Variants in PCDH9 observed in about 807,000 individuals in gnomAD.
PCDH9 encodes the protein protocadherin-9.
PCDH9 carries 24 observed loss-of-function variants against 70.6 expected under a neutral mutation model. The ratio of observed to expected loss-of-function variants is 0.34; its 90% CI spans 0.25 to 0.48. The LOEUF (loss-of-function observed/expected upper bound fraction) is 0.48. Among genes scored for constraint, PCDH9 ranks in the 20% least tolerant of loss-of-function variants. The probability of loss-of-function intolerance (pLI) is 0.99; values close to 1 mark genes in which losing one functional copy is unlikely to be tolerated. For synonymous variants in PCDH9, 562 were observed against 558.5 expected, an observed-to-expected ratio of 1.01 and a Z score of -0.09; for missense variants, 1,281 against 1,503.6, an observed-to-expected ratio of 0.85 and a Z score of 2.45.
intron 2 of PCDH9, chr13:67,205,733 T>C (rs1279478876): frequency 6.6e-6 from 1 of 152,210 alleles, no homozygotes; most frequent in Non-Finnish European, 1.5e-5. Context: ...TGTGCATCCA[T>C]AACTCTCTAT....
chr13:66,508,259 G>C (rs1328686313), intron 4 of PCDH9, among the ~76,000 whole-genome samples: 1 of 152,170 alleles, frequency 6.6e-6, no homozygotes, highest in Non-Finnish European at 1.5e-5. Context: ...ATTAGGGGAG[G>C]AGGGAATGGG....
chr13:66,931,818 TG>T (rs2082814560), intron 2 of PCDH9, among the ~76,000 whole-genome samples: 1 of 152,040 alleles, frequency 6.6e-6, no homozygotes, highest in South Asian at 2.1e-4. Context: ...TTTCCAGAAA[TG>T]ACAATATGGT....
At chr13:66,816,280 C>T (rs1236136755) in intron 3 of PCDH9, among the ~76,000 whole-genome samples, 1 of 152,176 alleles carries the variant, frequency 6.6e-6, no homozygotes, top group Admixed American at 6.5e-5. Context: ...TTCCAGGACA[C>T]TGTGATCTGG....
At chr13:66,833,974 A>G (rs1010285463) in intron 3 of PCDH9, among the ~76,000 whole-genome samples, 1 of 152,192 alleles carries the variant, frequency 6.6e-6, no homozygotes, top group Non-Finnish European at 1.5e-5. Context: ...AACTGCTACC[A>G]AAATATCTGT....
intron 4 of PCDH9, among the ~76,000 whole-genome samples, chr13:66,339,559 T>C (rs1374389791): frequency 6.6e-6 from 1 of 152,180 alleles, no homozygotes; most frequent in East Asian, 1.9e-4. Flanking sequence ...ATTAAGATAG[T>C]ATTTCTAGAA....
At chr13:66,573,390 C>T (rs528277306) in intron 4 of PCDH9, among the ~76,000 whole-genome samples, 41 of 151,394 alleles carry the variant, frequency 2.7e-4, no homozygotes, top group African/African-American at 9.2e-4. Flanking sequence ...TTTCTTCACT[C>T]GGTTGATTGT....
At chr13:67,162,985 T>C (rs1052575857) in intron 2 of PCDH9, among the ~76,000 whole-genome samples, 1 of 152,216 alleles carries the variant, frequency 6.6e-6, no homozygotes, top group Non-Finnish European at 1.5e-5. Context: ...GATCCAGTTC[T>C]TCCACATTTA....
chr13:66,530,899 A>T (rs1039997855), intron 4 of PCDH9, among the ~76,000 whole-genome samples: 3 of 151,968 alleles, frequency 2.0e-5, no homozygotes, highest in African/African-American at 7.2e-5. Flanking sequence ...TGTGAAAATC[A>T]CTGACTTTTA....
chr13:66,865,367 T>C (rs1594172442), intron 3 of PCDH9, among the ~76,000 whole-genome samples: 1 of 152,192 alleles, frequency 6.6e-6, no homozygotes, highest in South Asian at 2.1e-4. Flanking sequence ...TTTTTATATA[T>C]AGTCAAATTG....
chr13:67,157,542 G>C (rs543645620), intron 2 of PCDH9, among the ~76,000 whole-genome samples: 1 of 152,246 alleles, frequency 6.6e-6, no homozygotes, highest in East Asian at 1.9e-4. Context: ...GCACTGGCCT[G>C]TGCAGTGGGT....
chr13:66,810,208 T>G (rs1340578720), intron 3 of PCDH9, among the ~76,000 whole-genome samples: 1 of 152,168 alleles, frequency 6.6e-6, no homozygotes, highest in Non-Finnish European at 1.5e-5. Context: ...GCATAGGGCT[T>G]AGAATCCTTT....
intron 2 of PCDH9, among the ~76,000 whole-genome samples, chr13:67,002,463 T>C (rs999424369): frequency 3.3e-5 from 5 of 151,910 alleles, no homozygotes; most frequent in African/African-American, 7.2e-5. Flanking sequence ...AATTTTTAAA[T>C]TTATTAAGTC....
chr13:66,376,347 G>C lies in PCDH9; in HGVS notation c.3341-71319C>G, dbSNP rs1423926617. Among the ~76,000 whole-genome samples, 6 of 152,086 alleles carry C rather than the reference G, an allele frequency of 3.9e-5. No homozygotes were observed. The East Asian group carries it at 1.2e-3, about 29-fold the overall frequency. On this transcript the variant is annotated intron_variant, in intron 4 of 4. Transcript: ENST00000377865. ...TTCCTCAACTCTCACCAACTGGGCT[G>C]CCTGCCTGAGTTAAGTATTTTTGTT... is the stretch of plus-strand genomic sequence containing the variant.
At chr13:66,816,017 TATAAC>T (rs1311108477) in intron 3 of PCDH9, among the ~76,000 whole-genome samples, 2 of 152,208 alleles carry the variant, frequency 1.3e-5, no homozygotes, top group African/African-American at 4.8e-5. Context: ...CTCCTAATGT[TATAAC>T]ATAACTCTCT....
At chr13:66,401,918 C>T (rs1314781359) in intron 4 of PCDH9, among the ~76,000 whole-genome samples, 2 of 152,092 alleles carry the variant, frequency 1.3e-5, no homozygotes, top group Non-Finnish European at 2.9e-5. Flanking sequence ...TCAAGGTACC[C>T]CACCCAACAG....
intron 4 of PCDH9, among the ~76,000 whole-genome samples, chr13:66,358,605 C>T (rs1035872411): frequency 2.6e-5 from 4 of 151,960 alleles, no homozygotes; most frequent in Middle Eastern, 3.4e-3. Context: ...ATTGAACCTA[C>T]TTTTATAAAC....
chr13:66,455,270 T>TTA (rs1312449482), intron 4 of PCDH9, among the ~76,000 whole-genome samples: 1 of 151,342 alleles, frequency 6.6e-6, no homozygotes, highest in Non-Finnish European at 1.5e-5. Context: ...TTCCTTGTTG[T>TTA]TATATATATA....
chr13:66,683,408 A>G (rs1220571224), intron 3 of PCDH9, among the ~76,000 whole-genome samples: 1 of 152,132 alleles, frequency 6.6e-6, no homozygotes, highest in Non-Finnish European at 1.5e-5. Flanking sequence ...GAAATGTTCA[A>G]ATGTTCCCAC....
At chr13:67,055,173 T>TA (rs564695099) in intron 2 of PCDH9, among the ~76,000 whole-genome samples, 1 of 152,208 alleles carries the variant, frequency 6.6e-6, no homozygotes, top group South Asian at 2.1e-4. Context: ...TTACACATAC[T>TA]AAAAAATTAT....
Sources: allele counts gnomAD v4.1 joint callset (sites outside exome capture counted in the v4.1 genomes callset), GRCh38; gene constraint gnomAD v4.1.1; transcripts MANE v1.5; gene names NCBI Gene and HGNC (gene_info 2026-07-23, HGNC 2026-07-21).